CSNK1G3: variants seen among roughly 807,000 people sequenced by gnomAD.
CSNK1G3 encodes casein kinase 1 gamma 3, also known as casein kinase I isoform gamma-3.
CSNK1G3 carries 23 observed loss-of-function variants against 64.3 expected under a neutral mutation model. The ratio of observed to expected loss-of-function variants is 0.36; its 90% CI spans 0.26 to 0.51. The LOEUF (loss-of-function observed/expected upper bound fraction) is 0.51. Among genes scored for constraint, CSNK1G3 ranks in the 20% least tolerant of loss-of-function variants. The pLI is 0.96. For missense variants in CSNK1G3, 357 were observed against 510.5 expected, an observed-to-expected ratio of 0.70 and a Z score of 2.90; for synonymous variants, 158 against 162.2, an observed-to-expected ratio of 0.97 and a Z score of 0.20.
At chr5:123,549,971 T>C (rs1783327129) in intron 2 of CSNK1G3, among the ~76,000 whole-genome samples, 1 of 152,234 alleles carries the variant, frequency 6.6e-6, no homozygotes, top group Admixed American at 6.5e-5. Context: ...AGCTAATAAC[T>C]CCTTATTTTA....
chr5:123,530,647 C>A (rs1289456205), intron 1 of CSNK1G3, among the ~76,000 whole-genome samples: 2 of 152,090 alleles, frequency 1.3e-5, no homozygotes, highest in Non-Finnish European at 2.9e-5. Flanking sequence ...GTTTGGAGAA[C>A]ATTGTTTAAA....
chr5:123,515,262 G>A (rs1392575604), intron 1 of CSNK1G3, among the ~76,000 whole-genome samples: 1 of 152,062 alleles, frequency 6.6e-6, no homozygotes, highest in Non-Finnish European at 1.5e-5. Context: ...ATAGTTTATT[G>A]TTTCAGATGT....
intron 1 of CSNK1G3, among the ~76,000 whole-genome samples, chr5:123,525,639 G>A (rs576443501): frequency 6.6e-5 from 10 of 151,954 alleles, no homozygotes; most frequent in African/African-American, 2.4e-4. Flanking sequence ...AACACACAAA[G>A]TGTTTCCAAT....
At chr5:123,568,855 G>C (rs892394947) in intron 4 of CSNK1G3, among the ~76,000 whole-genome samples, 2 of 152,114 alleles carry the variant, frequency 1.3e-5, no homozygotes, top group Admixed American at 1.3e-4. Flanking sequence ...TTTGCTTTTT[G>C]TCTAACATCA....
intron 12 of CSNK1G3, among the ~76,000 whole-genome samples, chr5:123,613,475 A>C (rs1748877421): frequency 6.6e-6 from 1 of 151,830 alleles, no homozygotes; most frequent in African/African-American, 2.4e-5. Flanking sequence ...ACATTTATAT[A>C]TGTATGTGTG....
rs767033730 is a variant in CSNK1G3, at chr5:123,575,872, T to A, written c.582T>A (p.Asp194Glu). Reference sequence around the variant, plus strand: ...TTGGTTTGGCAAAGGAATATATTGATCCGGAGACAAAGAAACACATACCAT... The same window carrying A: ...TTGGTTTGGCAAAGGAATATATTGAACCGGAGACAAAGAAACACATACCAT... Residue 194 changes from aspartate to glutamate, a missense_variant, in exon 6 of 13, where the codon GAT (aspartate) becomes GAA (glutamate). Physicochemically the swap from Asp to Glu is conservative, Grantham distance 45. Transcript: ENST00000345990. The A allele has an allele frequency of 2.4e-5, 38 of 1,613,472 alleles. No individual in the cohort carries two copies. The highest frequency in any genetic ancestry group is 3.1e-5 in the Non-Finnish European group (37 of 1,179,674).
At chr5:123,524,414 C>G (rs1341607271) in intron 1 of CSNK1G3, among the ~76,000 whole-genome samples, 2 of 152,246 alleles carry the variant, frequency 1.3e-5, no homozygotes, top group Non-Finnish European at 2.9e-5. Context: ...AAAGCGCCTA[C>G]AGGCAGCCCT....
intron 12 of CSNK1G3, among the ~76,000 whole-genome samples, chr5:123,606,226 ATTAAGAC>A (rs796487467): frequency 8.3e-4 from 127 of 152,262 alleles, no homozygotes; most frequent in Middle Eastern, 3.4e-3. Context: ...TTGACATAAG[ATTAAGAC>A]TAGTGTATGT....
At chr5:123,575,210 TGTTTAATACCTAG>T (rs1788934645) in intron 5 of CSNK1G3, among the ~76,000 whole-genome samples, 1 of 152,174 alleles carries the variant, frequency 6.6e-6, no homozygotes, top group African/African-American at 2.4e-5. Flanking sequence ...CATTTTTAAA[TGTTTAATACCTAG>T]GAAAAAGTAA....
At chr5:123,587,652 A>T (rs140055984) in intron 6 of CSNK1G3, among the ~76,000 whole-genome samples, 1 of 152,294 alleles carries the variant, frequency 6.6e-6, no homozygotes, top group East Asian at 1.9e-4. Context: ...TGCTCATATA[A>T]CTTTAGGAAA....
At chr5:123,545,630 TA>T (rs1374045519) in exon 2 of CSNK1G3, 1 of 1,585,568 alleles carries the variant, frequency 6.3e-7, no homozygotes, top group South Asian at 1.1e-5. Context: ...TTGTCTTGAT[TA>T]AAGAATTCAA....
chr5:123,530,277 A>G lies in CSNK1G3; in HGVS notation c.-247-15140A>G, dbSNP rs181137271. On this transcript the variant is annotated intron_variant, in intron 1 of 12. Transcript: ENST00000345990. ...GTTACTGGAGAACAGTGAGAGCTGA[A>G]TAATTAGACTATTAATTTAATTAGA... Among the ~76,000 whole-genome samples the G allele has an allele frequency of 4.6e-5, 7 of 152,286 alleles. No homozygotes were observed. The East Asian group carries it at 1.4e-3, about 29-fold the overall frequency.
chr5:123,582,050 T>C (rs149431140), intron 6 of CSNK1G3, among the ~76,000 whole-genome samples: 1 of 152,194 alleles, frequency 6.6e-6, no homozygotes, highest in East Asian at 1.9e-4. Context: ...AATATATGCA[T>C]GTATCATAGA....
intron 10 of CSNK1G3, among the ~76,000 whole-genome samples, chr5:123,597,884 G>A (rs1055421152): frequency 4.6e-5 from 7 of 152,148 alleles, no homozygotes; most frequent in African/African-American, 1.7e-4. Flanking sequence ...TAGCATAGAT[G>A]TTGAGGCTTA....
intron 2 of CSNK1G3, among the ~76,000 whole-genome samples, chr5:123,546,522 G>A (rs1028077635): frequency 1.3e-5 from 2 of 151,962 alleles, no homozygotes; most frequent in African/African-American, 4.8e-5. Context: ...TCAAAATCTA[G>A]GTATTTTAAC....
chr5:123,573,977 G>A (rs1182576470), intron 5 of CSNK1G3, among the ~76,000 whole-genome samples: 2 of 151,714 alleles, frequency 1.3e-5, no homozygotes, highest in Admixed American at 1.3e-4. Context: ...AGCCTCCCGA[G>A]TAGCTGGGAC....
chr5:123,612,276 C>T (rs184544922), intron 12 of CSNK1G3, among the ~76,000 whole-genome samples: 2 of 152,216 alleles, frequency 1.3e-5, no homozygotes, highest in Non-Finnish European at 1.5e-5. Flanking sequence ...GCAGTACCCT[C>T]ATAGTAGTTT....
intron 6 of CSNK1G3, among the ~76,000 whole-genome samples, chr5:123,584,650 G>A (rs1790978722): frequency 6.6e-6 from 1 of 152,058 alleles, no homozygotes; most frequent in Admixed American, 6.6e-5. Context: ...CCAATCCTGG[G>A]TTTATGTAGA....
chr5:123,574,566 T>C (rs1788774658), intron 5 of CSNK1G3, among the ~76,000 whole-genome samples: 1 of 152,002 alleles, frequency 6.6e-6, no homozygotes, highest in East Asian at 1.9e-4. Flanking sequence ...GTGCCTGTAA[T>C]CCCAGCACTT....
Sources: gnomAD v4.1 joint callset for allele counts (sites outside exome capture counted in the v4.1 genomes callset) on GRCh38, gnomAD v4.1.1 for gene constraint, MANE v1.5 for transcripts, NCBI Gene and HGNC (gene_info 2026-07-23, HGNC 2026-07-21) for gene names.